SKIC3: variants seen among roughly 807,000 people sequenced by gnomAD.
SKIC3 encodes the protein superkiller complex protein 3.
At chr5:95,529,625 C>A in the SKIC3 span, among the ~76,000 whole-genome samples, 1 of 152,128 alleles carries the variant, frequency 6.6e-6, no homozygotes, top group Admixed American at 6.6e-5. Context: ...AATGTTCTTC[C>A]CATTCCCTTC....
At chr5:95,549,039 CTT>C in the SKIC3 span, among the ~76,000 whole-genome samples, 1 of 151,892 alleles carries the variant, frequency 6.6e-6, no homozygotes, top group Admixed American at 6.6e-5. Flanking sequence ...AAGAGAAAGA[CTT>C]AAGACATATA....
chr5:95,508,053 C>T, the SKIC3 span, among the ~76,000 whole-genome samples: 1 of 152,076 alleles, frequency 6.6e-6, no homozygotes, highest in African/African-American at 2.4e-5. Flanking sequence ...TTGAAAGAAG[C>T]AAAATAGTGG....
At chr5:95,499,745 T>G in the SKIC3 span, among the ~76,000 whole-genome samples, 1 of 152,188 alleles carries the variant, frequency 6.6e-6, no homozygotes, top group Non-Finnish European at 1.5e-5. Flanking sequence ...ACCAGCACTT[T>G]ACATAATAAG....
chr5:95,523,359 T>C, the SKIC3 span: 3 of 1,581,628 alleles, frequency 1.9e-6, no homozygotes, highest in Non-Finnish European at 2.6e-6. Context: ...ATTAGATATA[T>C]TGAACATTAT....
the SKIC3 span, chr5:95,541,366 T>C: frequency 6.2e-7 from 1 of 1,613,656 alleles, no homozygotes; most frequent in Non-Finnish European, 8.5e-7. Context: ...ATCACACCAC[T>C]TCTGCTTGTC....
At chr5:95,541,257 C>T in the SKIC3 span, 154 of 1,573,608 alleles carry the variant, frequency 9.8e-5, no homozygotes, top group Non-Finnish European at 1.2e-4. Context: ...TGAGTCACCG[C>T]GCCCAGCCCA....
At chr5:95,470,375 G>T in the SKIC3 span, among the ~76,000 whole-genome samples, 2 of 152,122 alleles carry the variant, frequency 1.3e-5, no homozygotes, top group African/African-American at 4.8e-5. Flanking sequence ...TCTGATCCCT[G>T]CTCTAAAGGA....
At chr5:95,475,603 TCTCAGGTATTTCTTTATA>T in the SKIC3 span, among the ~76,000 whole-genome samples, 1 of 152,156 alleles carries the variant, frequency 6.6e-6, no homozygotes, top group Non-Finnish European at 1.5e-5. Flanking sequence ...AATGACCCTA[TCTCAGGTATTTCTTTATA>T]GCAATGCAAC....
chr5:95,550,676 G>C, the SKIC3 span: 1 of 152,340 alleles, frequency 6.6e-6, no homozygotes, highest in Non-Finnish European at 1.5e-5. Context: ...ACAAGTATGA[G>C]ACAATCATAT....
At chr5:95,498,553 G>T in the SKIC3 span, 31 of 1,614,128 alleles carry the variant, frequency 1.9e-5, no homozygotes, top group Non-Finnish European at 2.6e-5. Context: ...AGCACACAGG[G>T]CTTGAAGGCT....
chr5:95,530,329 C>T, the SKIC3 span: 1 of 1,301,556 alleles, frequency 7.7e-7, no homozygotes, highest in South Asian at 1.3e-5. Flanking sequence ...TATTCTTATG[C>T]ATTCTTCACC....
the SKIC3 span, among the ~76,000 whole-genome samples, chr5:95,477,041 T>C: frequency 6.6e-6 from 1 of 152,208 alleles, no homozygotes; most frequent in African/African-American, 2.4e-5. Context: ...TAATAAGTTA[T>C]GCTAAAAGAG....
At chr5:95,486,911 C>T in the SKIC3 span, among the ~76,000 whole-genome samples, 2 of 152,146 alleles carry the variant, frequency 1.3e-5, no homozygotes, top group African/African-American at 2.4e-5. Flanking sequence ...CCCACCTACC[C>T]AGCCGAATTG....
At chr5:95,551,194 A>G in the SKIC3 span, among the ~76,000 whole-genome samples, 1 of 152,226 alleles carries the variant, frequency 6.6e-6, no homozygotes, top group Admixed American at 6.5e-5. Context: ...TAGTCATTAA[A>G]AATAGTAACA....
chr5:95,490,835 C>T, the SKIC3 span: 11 of 1,584,000 alleles, frequency 6.9e-6, no homozygotes, highest in South Asian at 2.2e-5. Context: ...ATGCTGAAGC[C>T]GTTTGTATTC....
the SKIC3 span, chr5:95,523,282 A>G: frequency 3.7e-6 from 6 of 1,613,790 alleles, no homozygotes; most frequent in Admixed American, 5.0e-5. Context: ...CCGTTCCAGC[A>G]CTTGCCTTTT....
the SKIC3 span, among the ~76,000 whole-genome samples, chr5:95,551,988 C>G: frequency 3.0e-4 from 45 of 152,326 alleles, no homozygotes; most frequent in Non-Finnish European, 4.3e-4. Context: ...CCTACACATT[C>G]AAATCCCCAA....
chr5:95,485,776 G>A, the SKIC3 span, among the ~76,000 whole-genome samples: 19 of 152,258 alleles, frequency 1.2e-4, 1 homozygote, highest in African/African-American at 3.4e-4. Flanking sequence ...TTCGGTGCTC[G>A]CCTCGTCCAT....
the SKIC3 span, chr5:95,497,507 G>A: frequency 1.2e-6 from 2 of 1,606,012 alleles, no homozygotes; most frequent in African/African-American, 1.3e-5. Flanking sequence ...ATCAAAAGTA[G>A]CAGGCTTAGG....
Sources: allele counts gnomAD v4.1 joint callset (sites outside exome capture counted in the v4.1 genomes callset), GRCh38; gene constraint gnomAD v4.1.1; transcripts MANE v1.5; gene names NCBI Gene and HGNC (gene_info 2026-07-23, HGNC 2026-07-21).